The following PES1 variants were observed in gnomAD, a reference collection of about 807,000 sequenced individuals.
PES1 encodes pescadillo homolog.
PES1 carries 31 observed loss-of-function variants against 77.1 expected under a neutral mutation model. That is an observed-to-expected ratio of 0.40 (90% CI 0.30 to 0.54). The LOEUF is 0.54. Among genes scored for constraint, PES1 ranks in the 20% least tolerant of loss-of-function variants. The pLI, the probability that PES1 is intolerant of heterozygous loss-of-function variation, is 0.45. For synonymous variants in PES1, 282 were observed against 303.0 expected (o/e 0.93, Z 0.72); for missense variants, 658 against 771.7 (o/e 0.85, Z 1.75).
At chr22:30,583,387 C>T (rs2087016057) in intron 6 of PES1, among the ~76,000 whole-genome samples, 1 of 152,206 alleles carries the variant, frequency 6.6e-6, no homozygotes, top group Admixed American at 6.5e-5. Flanking sequence ...GTCCCAGCTC[C>T]CCCTGGAGCC....
chr22:30,590,242 C>A (rs1356521643), intron 1 of PES1, among the ~76,000 whole-genome samples: 1 of 152,182 alleles, frequency 6.6e-6, no homozygotes, highest in Non-Finnish European at 1.5e-5. Context: ...ATTTCTGTAT[C>A]CCTCACACTT....
chr22:30,596,497 T>TA (rs781592593), upstream of PES1, among the ~76,000 whole-genome samples: 1,704 of 132,002 alleles, frequency 0.013, 25 homozygotes, highest in African/African-American at 0.041. Context: ...ATTTAAAACT[T>TA]AAAAAAAAAA....
intron 13 of PES1, 25 bp downstream of exon 13, chr22:30,579,112 A>T: frequency 6.2e-7 from 1 of 1,606,982 alleles, no homozygotes; most frequent in Non-Finnish European, 8.5e-7. Context: ...TCCCAGGCCA[A>T]GCCCCGCATT....
intron 2 of PES1, among the ~76,000 whole-genome samples, chr22:30,600,480 C>T (rs986043213): frequency 1.3e-5 from 2 of 151,610 alleles, no homozygotes; most frequent in African/African-American, 2.4e-5. Context: ...CTCGGGAGTT[C>T]GAGACCAGCC....
rs189029076 is a variant in PES1, at chr22:30,586,932, C to T, written c.368+354G>A. Reference sequence around the variant, plus strand: ...AAGGCTGGGCAAGGAACAGTTCAGACGAGAGGTGTCTAGCCATGCTTCCCA... The same window carrying T: ...AAGGCTGGGCAAGGAACAGTTCAGATGAGAGGTGTCTAGCCATGCTTCCCA... On this transcript the variant is annotated intron_variant, in intron 4 of 14. Transcript: ENST00000354694. 1.8e-3 allele frequency: 439 copies of T among 244,578 alleles called. 1 individual carries two copies. The highest frequency in any genetic ancestry group is 8.9e-3 in the African/African-American group (398 of 44,640). 15.2% of individuals were successfully genotyped at this position (244,578 alleles called of 1,614,324 possible).
upstream of PES1, chr22:30,592,495 T>C: frequency 1.2e-6 from 1 of 812,514 alleles, no homozygotes; most frequent in Non-Finnish European, 1.5e-6. Flanking sequence ...ACTCGTGGTA[T>C]ATTTAAAATG....
At chr22:30,592,223 C>T, upstream of PES1, 2 of 1,026,906 alleles carry the variant, frequency 1.9e-6, no homozygotes, top group Middle Eastern at 5.3e-4. Context: ...TTCTGGGATG[C>T]AGAGGGGCGC....
upstream of PES1, chr22:30,592,048 T>G: frequency 1.5e-6 from 2 of 1,355,136 alleles, no homozygotes; most frequent in Non-Finnish European, 1.9e-6. Flanking sequence ...GAGAACACTC[T>G]TTCCAGATCT....
intron 2 of PES1, among the ~76,000 whole-genome samples, chr22:30,604,382 C>G (rs943945106): frequency 6.6e-6 from 1 of 152,118 alleles, no homozygotes; most frequent in Non-Finnish European, 1.5e-5. Flanking sequence ...CCTGTAATCC[C>G]AATACTTCGG....
rs373720254 is a variant in PES1, at chr22:30,580,194, G to C, written c.1044-16C>G. ...ACCAAAACTCCTACAGGGACAGGGA[G>C]AGCCCACACGGGTACACAGACATGA... On this transcript the variant is annotated splice_polypyrimidine_tract_variant and intron_variant, in intron 10 of 14. Coordinates refer to ENST00000354694, the MANE Select transcript of PES1 (RefSeq NM_014303.4). 9 of 1,603,916 alleles carry C rather than the reference G, an allele frequency of 5.6e-6. No homozygotes were observed. Among genetic ancestry groups the C allele is most frequent in the African/African-American group, 1.3e-5 (1 of 74,802 alleles).
rs376361209 is a variant in PES1, at chr22:30,587,279, G to A, written c.368+7C>T. On this transcript the variant is annotated splice_region_variant and intron_variant, in intron 4 of 14. Coordinates refer to ENST00000354694, the MANE Select transcript of PES1 (RefSeq NM_014303.4). ...AACAGCAGTGTCCTGAGGAAAGCCC[G>A]GCTCACCGTTCCTTGATGATGTGGT... 6.2e-5 allele frequency: 99 copies of A among 1,591,264 alleles called. 1 individual carries two copies. Among genetic ancestry groups the A allele is most frequent in the Middle Eastern group, 1.9e-4 (1 of 5,222 alleles).
intron 4 of PES1, chr22:30,586,999 G>A (rs2087101155): frequency 2.6e-6 from 1 of 386,498 alleles, no homozygotes; most frequent in Non-Finnish European, 4.7e-6. Flanking sequence ...GAGCCCTGGG[G>A]CTCTCCCACC....
chr22:30,587,466 G>GGA, intron 3 of PES1, 71 bp from the exon 4 acceptor site: 2 of 1,163,236 alleles, frequency 1.7e-6, no homozygotes, highest in East Asian at 4.7e-5. Flanking sequence ...CATGGAAGAT[G>GGA]GAAACGCAGG....
chr22:30,605,581 G>A, intron 1 of PES1: 1 of 688,768 alleles, frequency 1.5e-6, no homozygotes, highest in African/African-American at 1.9e-5. Context: ...AGCCAAGGCA[G>A]TCCCACCCAG....
intron 4 of PES1, chr22:30,586,866 T>A (rs1425969896): frequency 5.9e-6 from 1 of 168,128 alleles, no homozygotes; most frequent in Non-Finnish European, 1.3e-5. Context: ...GGAGAATTGT[T>A]TGAACCTGGG....
intron 2 of PES1, among the ~76,000 whole-genome samples, chr22:30,602,085 C>CT (rs1225975917): frequency 6.6e-6 from 1 of 150,596 alleles, no homozygotes; most frequent in South Asian, 2.1e-4. Context: ...CTTTTCTTTT[C>CT]TTTTTTTTCT....
chr22:30,595,794 G>A (rs2087244986), upstream of PES1, among the ~76,000 whole-genome samples: 1 of 152,124 alleles, frequency 6.6e-6, no homozygotes, highest in Non-Finnish European at 1.5e-5. Context: ...TGTGGACCCT[G>A]GGCTTACCGG....
upstream of PES1, among the ~76,000 whole-genome samples, chr22:30,596,715 C>T (rs1269695977): frequency 1.3e-5 from 2 of 152,222 alleles, no homozygotes; most frequent in South Asian, 2.1e-4. Flanking sequence ...TCACAGCCCT[C>T]GCTCGCTCTC....
intron 1 of PES1, chr22:30,606,798 A>G (rs1197223490): frequency 4.2e-5 from 41 of 985,512 alleles, no homozygotes; most frequent in East Asian, 1.1e-4. Context: ...GACTCCAGCA[A>G]TGCTGCTCAC....
Sources: gnomAD v4.1 joint callset for allele counts (sites outside exome capture counted in the v4.1 genomes callset) on GRCh38, gnomAD v4.1.1 for gene constraint, MANE v1.5 for transcripts, NCBI Gene and HGNC (gene_info 2026-07-23, HGNC 2026-07-21) for gene names.